EPHB1: variants seen among roughly 807,000 people sequenced by gnomAD.
EPHB1 encodes EPH receptor B1, also known as ephrin type-B receptor 1.
In EPHB1, 30 loss-of-function variants were observed where a neutral mutation model predicts 94.4. That is an observed-to-expected ratio of 0.32 (90% CI 0.24 to 0.43). The LOEUF (loss-of-function observed/expected upper bound fraction) is 0.43, where lower values mean the gene tolerates loss of function less well. EPHB1 is among the 20% of genes least tolerant of loss of function. The pLI is 1.00. For missense variants in EPHB1, 1,055 were observed against 1,308.3 expected, an observed-to-expected ratio of 0.81 and a Z score of 2.99; for synonymous variants, 522 against 489.1, an observed-to-expected ratio of 1.07 and a Z score of -0.89.
chr3:134,954,693 C>T (rs1933177913), intron 3 of EPHB1, among the ~76,000 whole-genome samples: 2 of 152,184 alleles, frequency 1.3e-5, no homozygotes, highest in African/African-American at 2.4e-5. Flanking sequence ...TGTAGGGTGG[C>T]AGAAAGAATA....
At position 135,141,866 on chromosome 3, in the gene EPHB1, A is replaced by T. The variant is rs187921659; in HGVS notation, c.1297+8817A>T. Reference sequence around the variant, plus strand: ...CCCACAGGACCACAGGTCCTCAGGGAGGGGCCTGGCCATCTGGCTTAATAA... The same window carrying T: ...CCCACAGGACCACAGGTCCTCAGGGTGGGGCCTGGCCATCTGGCTTAATAA... On this transcript the variant is annotated intron_variant, in intron 5 of 15. Transcript: ENST00000398015. Among the ~76,000 whole-genome samples, 6 of 152,238 alleles carry T rather than the reference A, an allele frequency of 3.9e-5. No individual in the cohort carries two copies. In the East Asian group the frequency reaches 1.2e-3, roughly 30 times the overall value.
intron 3 of EPHB1, among the ~76,000 whole-genome samples, chr3:135,032,815 C>T (rs951968838): frequency 2.0e-5 from 3 of 152,166 alleles, no homozygotes; most frequent in African/African-American, 4.8e-5. Flanking sequence ...CAGAACTGTG[C>T]TTTTGAGTTC....
chr3:135,221,575 C>T (rs1943280852), intron 12 of EPHB1, among the ~76,000 whole-genome samples: 1 of 152,156 alleles, frequency 6.6e-6, no homozygotes. Context: ...CAGGACTTAA[C>T]AGGAGATAAT....
chr3:135,038,951 C>T (rs993356081), intron 3 of EPHB1, among the ~76,000 whole-genome samples: 10 of 152,236 alleles, frequency 6.6e-5, no homozygotes, highest in African/African-American at 1.7e-4. Context: ...TTTGTCACGG[C>T]GCTGATTGGT....
chr3:134,920,149 C>T (rs2038654616), intron 1 of EPHB1, among the ~76,000 whole-genome samples: 2 of 152,092 alleles, frequency 1.3e-5, no homozygotes, highest in Admixed American at 6.6e-5. Context: ...CTGTCTATTC[C>T]CTGTTCGTCT....
chr3:134,934,548 A>G (rs1484126833), intron 2 of EPHB1, among the ~76,000 whole-genome samples: 2 of 151,716 alleles, frequency 1.3e-5, no homozygotes, highest in African/African-American at 4.9e-5. Context: ...GTGCTTTCCT[A>G]TGAGACTGTT....
At chr3:135,082,405 G>C (rs1020994062) in intron 3 of EPHB1, among the ~76,000 whole-genome samples, 1 of 152,200 alleles carries the variant, frequency 6.6e-6, no homozygotes, top group Non-Finnish European at 1.5e-5. Context: ...CTGAGTACTT[G>C]CCATGCAAAT....
At chr3:135,038,694 G>T (rs1386779383) in intron 3 of EPHB1, among the ~76,000 whole-genome samples, 3 of 152,170 alleles carry the variant, frequency 2.0e-5, no homozygotes, top group Non-Finnish European at 4.4e-5. Context: ...CCTTCTGGTG[G>T]GTTCGTGGTC....
intron 1 of EPHB1, among the ~76,000 whole-genome samples, chr3:134,904,185 TTCC>T (rs1263369913): frequency 6.6e-6 from 1 of 152,192 alleles, no homozygotes; most frequent in African/African-American, 2.4e-5. Context: ...CTCCCAGGCT[TTCC>T]TCCTCTGAGT....
intron 12 of EPHB1, among the ~76,000 whole-genome samples, chr3:135,220,284 G>A (rs1373274984): frequency 6.6e-6 from 1 of 152,164 alleles, no homozygotes; most frequent in Admixed American, 6.5e-5. Flanking sequence ...CACCCCGCAG[G>A]CATTCTAGCT....
intron 3 of EPHB1, among the ~76,000 whole-genome samples, chr3:135,030,832 G>T (rs950819090): frequency 5.3e-5 from 8 of 152,186 alleles, no homozygotes; most frequent in African/African-American, 1.9e-4. Flanking sequence ...CCTCGCTGCC[G>T]CCTTGCAGTT....
At chr3:134,873,602 T>C (rs2037548125) in intron 1 of EPHB1, among the ~76,000 whole-genome samples, 1 of 152,200 alleles carries the variant, frequency 6.6e-6, no homozygotes, top group Non-Finnish European at 1.5e-5. Flanking sequence ...TGCACCGAGT[T>C]GATGGTCTTC....
intron 11 of EPHB1, among the ~76,000 whole-genome samples, chr3:135,199,547 C>T (rs1158745165): frequency 6.6e-6 from 1 of 152,188 alleles, no homozygotes; most frequent in African/African-American, 2.4e-5. Flanking sequence ...ATTCAATCTC[C>T]TGGGCAGGTT....
rs150372023 is a variant in EPHB1 at position 135,166,371 on chromosome 3, G to A, written c.1694+295G>A. Among the ~76,000 whole-genome samples, 336 of 152,270 alleles carry A rather than the reference G, an allele frequency of 2.2e-3. 2 individuals are homozygous for A. Among genetic ancestry groups the A allele is most frequent in the African/African-American group, 7.9e-3 (327 of 41,546 alleles). On this transcript the variant is annotated intron_variant, in intron 8 of 15. Coordinates refer to ENST00000398015, the MANE Select transcript of EPHB1 (RefSeq NM_004441.5). ...TTTTCAGAGTGACAGTTGCAAAATT[G>A]CATTTGACTCACTGGAGCATCCAGC...
intron 15 of EPHB1, among the ~76,000 whole-genome samples, chr3:135,251,940 C>A (rs552592425): frequency 6.6e-6 from 1 of 152,298 alleles, no homozygotes; most frequent in South Asian, 2.1e-4. Flanking sequence ...TATTTGAACA[C>A]TAGCTCCACC....
intron 2 of EPHB1, among the ~76,000 whole-genome samples, chr3:134,927,296 A>G (rs966552634): frequency 3.3e-5 from 5 of 152,314 alleles, no homozygotes; most frequent in Middle Eastern, 3.4e-3. Context: ...CTGTTACTTT[A>G]TCCCAGCATT....
intron 6 of EPHB1, among the ~76,000 whole-genome samples, chr3:135,159,581 A>G (rs1364821387): frequency 6.6e-6 from 1 of 152,232 alleles, no homozygotes; most frequent in Non-Finnish European, 1.5e-5. Flanking sequence ...AAATGATCAA[A>G]GTTCTGGATG....
chr3:134,817,605 A>G (rs4955503), intron 1 of EPHB1, among the ~76,000 whole-genome samples: 112,139 of 152,246 alleles, frequency 0.74, 45,689 homozygotes, highest in Non-Finnish European at 0.9. Flanking sequence ...AAGCCACCTA[A>G]TCTCTCTGAA....
Position 135,111,388 on chromosome 3 carries a change from G to A in EPHB1, c.961+4785G>A, listed in dbSNP as rs559627543. 2.0e-5 allele frequency among the ~76,000 whole-genome samples: 3 copies of A among 152,336 alleles called. No homozygotes were observed. The South Asian group carries it at 6.2e-4, about 32-fold the overall frequency. On this transcript the variant is annotated intron_variant, in intron 4 of 15. Transcript: ENST00000398015. The stretch of plus-strand genomic sequence containing the variant: ...GAAAGTTTGGAAACATTGCTTTAGA[G>A]TTGGGTCATATTCCTCTGTCCTTTG...
Sources: allele counts gnomAD v4.1 joint callset (sites outside exome capture counted in the v4.1 genomes callset), GRCh38; gene constraint gnomAD v4.1.1; transcripts MANE v1.5; gene names NCBI Gene and HGNC (gene_info 2026-07-23, HGNC 2026-07-21).